The following GABBR2 variants were observed in gnomAD, a reference collection of about 807,000 sequenced individuals.
GABBR2 encodes gamma-aminobutyric acid type B receptor subunit 2.
GABBR2 carries 23 observed loss-of-function variants against 105.6 expected under a neutral mutation model. The observed-to-expected ratio is 0.22, with a 90% CI of 0.16 to 0.31. The LOEUF (loss-of-function observed/expected upper bound fraction) is 0.31. Ranked by LOEUF, GABBR2 falls within the 10% of genes least tolerant of loss-of-function variation. The pLI is 1.00. For missense variants in GABBR2, 734 were observed against 1,245.5 expected, an observed-to-expected ratio of 0.59 and a Z score of 6.18; for synonymous variants, 478 against 499.7, an observed-to-expected ratio of 0.96 and a Z score of 0.58.
At chr9:98,400,669 T>C (rs1171947602) in intron 8 of GABBR2, among the ~76,000 whole-genome samples, 1 of 152,190 alleles carries the variant, frequency 6.6e-6, no homozygotes. Flanking sequence ...CACCCCACCA[T>C]GGCTCCTGCA....
At chr9:98,541,359 C>CT (rs11463257) in intron 3 of GABBR2, among the ~76,000 whole-genome samples, 76,584 of 150,170 alleles carry the variant, frequency 0.51, 19,666 homozygotes, top group East Asian at 0.65. Context: ...CATATTTTGG[C>CT]TTTTTTTTCC....
In GABBR2 at chr9:98,385,678, A is replaced by C. The variant is rs1832059685; in HGVS notation, c.1624T>G (p.Ser542Ala). ...ASIFLFGLDG[S>A]FVSEKTFETL... The stretch of plus-strand genomic sequence containing the variant: ...TCAAAGGTCTTTTCAGAGACAAAGG[A>C]TCCATCAAGGCCAAAGAGAAATATG... Residue 542 changes from serine (S) to alanine (A), a missense_variant, in exon 11 of 19, where the codon TCC (serine) becomes GCC (alanine). By Grantham distance (99) the Ser-to-Ala change is moderately conservative. Coordinates refer to ENST00000259455, the MANE Select transcript of GABBR2 (RefSeq NM_005458.8). 6.2e-7 allele frequency: 1 copy of C among 1,612,954 alleles called. No homozygotes were observed. The highest frequency in any genetic ancestry group is 8.5e-7 in the Non-Finnish European group (1 of 1,179,012).
intron 3 of GABBR2, among the ~76,000 whole-genome samples, chr9:98,505,909 G>A (rs1428352588): frequency 6.6e-6 from 1 of 152,166 alleles, no homozygotes; most frequent in African/African-American, 2.4e-5. Flanking sequence ...CCTAGTTTGT[G>A]GCGATTTGTT....
chr9:98,418,034 G>T (rs1020784497), intron 7 of GABBR2, among the ~76,000 whole-genome samples: 2 of 152,154 alleles, frequency 1.3e-5, no homozygotes, highest in African/African-American at 2.4e-5. Flanking sequence ...GAATGCAGGA[G>T]CCACATCAGG....
chr9:98,444,802 G>A (rs1826094033), intron 7 of GABBR2, among the ~76,000 whole-genome samples: 1 of 152,198 alleles, frequency 6.6e-6, no homozygotes, highest in African/African-American at 2.4e-5. Flanking sequence ...TAAGGGATGA[G>A]TTTTTATGCT....
At chr9:98,303,610 G>C (rs1206077954) in intron 15 of GABBR2, among the ~76,000 whole-genome samples, 187 bp from the exon 16 acceptor site, 1 of 152,206 alleles carries the variant, frequency 6.6e-6, no homozygotes, top group Non-Finnish European at 1.5e-5. Flanking sequence ...TGTGACCTGG[G>C]GCAGGCCCCC....
Position 98,530,783 on chromosome 9 carries a change from CA to C in GABBR2, c.630+11089del, listed in dbSNP as rs887922979. Among the ~76,000 whole-genome samples, 31 of 147,250 alleles carry C rather than the reference CA, an allele frequency of 2.1e-4. No individual in the cohort carries two copies. The East Asian group carries it at 2.6e-3, about 12-fold the overall frequency. On this transcript the variant is annotated intron_variant, in intron 3 of 18. Coordinates refer to ENST00000259455, the MANE Select transcript of GABBR2 (RefSeq NM_005458.8). Reference sequence around the variant, plus strand: ...TGGATGATGGAGGGTAACCCCATCTCAAAAAAAAAATAGGGAGACCACACCA... The same window carrying C: ...TGGATGATGGAGGGTAACCCCATCTCAAAAAAAAATAGGGAGACCACACCA...
intron 1 of GABBR2, among the ~76,000 whole-genome samples, chr9:98,580,515 C>T (rs754008631): frequency 8.5e-5 from 13 of 152,168 alleles, no homozygotes; most frequent in Non-Finnish European, 1.3e-4. Context: ...GGGCCAGGCG[C>T]GAAGGCTCAC....
chr9:98,478,679 C>G (rs1826846905), intron 5 of GABBR2, among the ~76,000 whole-genome samples: 1 of 152,180 alleles, frequency 6.6e-6, no homozygotes, highest in South Asian at 2.1e-4. Flanking sequence ...AAGCAGAAAC[C>G]ATGGCTGGGA....
intron 1 of GABBR2, among the ~76,000 whole-genome samples, chr9:98,689,562 G>A (rs1830660404): frequency 6.6e-6 from 1 of 152,158 alleles, no homozygotes; most frequent in Non-Finnish European, 1.5e-5. Flanking sequence ...CCACATTCCA[G>A]GTTTCTGAAG....
chr9:98,458,903 T>G (rs925190393), intron 6 of GABBR2, among the ~76,000 whole-genome samples: 2 of 152,230 alleles, frequency 1.3e-5, no homozygotes, highest in African/African-American at 4.8e-5. Context: ...CAGTAGCAAC[T>G]TCCAGGTGTT....
Position 98,586,759 on chromosome 9 carries a change from C to T in GABBR2, c.322-8687G>A, listed in dbSNP as rs189473054. On this transcript the variant is annotated intron_variant, in intron 1 of 18. Transcript: ENST00000259455. ...CACATTATGTTTGTGAGATTTTTGCCGCTGAATATAGCTGTGGTTCATTCA... is the reference window on the plus strand; with the variant it reads ...CACATTATGTTTGTGAGATTTTTGCTGCTGAATATAGCTGTGGTTCATTCA... 3.3e-5 allele frequency among the ~76,000 whole-genome samples: 5 copies of T among 152,252 alleles called. No homozygotes were observed. In the East Asian group the frequency reaches 7.7e-4, roughly 23 times the overall value.
At chr9:98,437,574 C>T (rs951088025) in intron 7 of GABBR2, among the ~76,000 whole-genome samples, 3 of 151,918 alleles carry the variant, frequency 2.0e-5, no homozygotes, top group African/African-American at 7.3e-5. Flanking sequence ...TCCATCCATC[C>T]ACCCACAAAC....
At chr9:98,496,356 G>T in intron 4 of GABBR2, 57 bp downstream of exon 4, 1 of 1,069,018 alleles carries the variant, frequency 9.4e-7, no homozygotes, top group Non-Finnish European at 1.5e-6. Context: ...CAGGTAATTT[G>T]GGCACCCAGG....
rs546936727 is a variant in GABBR2 at position 98,313,389 on chromosome 9, ATCTG to A, written c.1894-2188_1894-2185del. Among the ~76,000 whole-genome samples the A allele has an allele frequency of 2.2e-4, 34 of 152,252 alleles. 1 individual carries two copies. In the South Asian group the frequency reaches 4.4e-3, roughly 19 times the overall value. On this transcript the variant is annotated intron_variant, in intron 13 of 18. Coordinates refer to ENST00000259455, the MANE Select transcript of GABBR2 (RefSeq NM_005458.8). The stretch of plus-strand genomic sequence containing the variant: ...TACTTCTAAGCTCTTTTAAAAATAA[ATCTG>A]TCTGTCTGTCTGTCTAGATAAGATC...
chr9:98,309,278 G>A (rs1029921923), intron 14 of GABBR2, among the ~76,000 whole-genome samples: 1 of 152,208 alleles, frequency 6.6e-6, no homozygotes, highest in Non-Finnish European at 1.5e-5. Flanking sequence ...GGTGGGAGAA[G>A]ACAATGAATG....
chr9:98,391,445 A>C (rs1832178662), intron 9 of GABBR2, among the ~76,000 whole-genome samples: 3 of 152,174 alleles, frequency 2.0e-5, no homozygotes, highest in Non-Finnish European at 4.4e-5. Flanking sequence ...TAACTACTAC[A>C]CAAACTGCTG....
At chr9:98,575,781 C>A (rs1319586665) in intron 2 of GABBR2, among the ~76,000 whole-genome samples, 1 of 152,200 alleles carries the variant, frequency 6.6e-6, no homozygotes, top group South Asian at 2.1e-4. Context: ...TGCACCAGAG[C>A]ACATGGCTGC....
chr9:98,420,373 C>A (rs1832761712), intron 7 of GABBR2, among the ~76,000 whole-genome samples: 1 of 152,236 alleles, frequency 6.6e-6, no homozygotes, highest in African/African-American at 2.4e-5. Flanking sequence ...GCCCCAGTGG[C>A]TGTGCTCATC....
Sources: allele counts gnomAD v4.1 joint callset (sites outside exome capture counted in the v4.1 genomes callset), GRCh38; gene constraint gnomAD v4.1.1; transcripts MANE v1.5; gene names NCBI Gene and HGNC (gene_info 2026-07-23, HGNC 2026-07-21).